LRRC7: variants seen among roughly 807,000 people sequenced by gnomAD.
The protein encoded by LRRC7 is leucine rich repeat containing 7.
Under a neutral mutation model 175.7 loss-of-function variants are expected in LRRC7, and 23 were observed. That is an observed-to-expected ratio of 0.13 (90% CI 0.09 to 0.19). LRRC7 has a LOEUF of 0.19. Among genes scored for constraint, LRRC7 ranks in the 10% least tolerant of loss-of-function variants. LRRC7 has a pLI of 1.00. For synonymous variants in LRRC7, 685 were observed against 680.9 expected (o/e 1.01, Z -0.09); for missense variants, 1,354 against 1,904.7 (o/e 0.71, Z 5.38).
chr1:69,906,924 CTT>C (rs1180623498), intron 7 of LRRC7, among the ~76,000 whole-genome samples: 5 of 152,118 alleles, frequency 3.3e-5, no homozygotes, highest in Non-Finnish European at 7.4e-5. Context: ...TTTGTATCCT[CTT>C]TTATTTCATT....
chr1:70,092,978 T>C (rs1184591848), intron 25 of LRRC7, among the ~76,000 whole-genome samples: 1 of 152,192 alleles, frequency 6.6e-6, no homozygotes, highest in Non-Finnish European at 1.5e-5. Context: ...CTGCAGTTGA[T>C]ATTGTCAAAA....
At position 69,568,448 on chromosome 1, in the gene LRRC7, TG is replaced by T; in HGVS notation, c.-190del. The T allele has an allele frequency of 3.1e-6, 1 of 324,548 alleles. No homozygotes were observed. The highest frequency in any genetic ancestry group is 5.9e-6 in the Non-Finnish European group (1 of 169,914). 20.1% of individuals were successfully genotyped at this position (324,548 alleles called of 1,614,324 possible). On this transcript the variant is annotated 5_prime_UTR_variant, in exon 1 of 27. It removes the in-frame stop codon of an upstream open reading frame in the 5' UTR. Transcript: ENST00000651989. ...GTCCACCTGAAGGGCACTGGCATCA[TG>T]GTCTAACGTGGCACCTTCCTGGATT...
At chr1:69,718,481 C>A (rs1665990836) in intron 2 of LRRC7, among the ~76,000 whole-genome samples, 2 of 151,822 alleles carry the variant, frequency 1.3e-5, no homozygotes, top group East Asian at 3.9e-4. Context: ...ATGTCTCCTG[C>A]ATGGCAAAAT....
intron 7 of LRRC7, among the ~76,000 whole-genome samples, chr1:69,866,960 G>T (rs566469094): frequency 5.3e-5 from 8 of 152,006 alleles, no homozygotes; most frequent in Admixed American, 5.2e-4. Context: ...CTCACAGTAG[G>T]AGTAAAATGT....
chr1:69,833,213 T>G (rs991409324), intron 5 of LRRC7, among the ~76,000 whole-genome samples: 7 of 152,178 alleles, frequency 4.6e-5, no homozygotes, highest in African/African-American at 1.4e-4. Flanking sequence ...CACGTCAAAA[T>G]GGATGGATTT....
At chr1:70,026,724 T>C (rs1297575274) in intron 17 of LRRC7, among the ~76,000 whole-genome samples, 1 of 152,120 alleles carries the variant, frequency 6.6e-6, no homozygotes, top group African/African-American at 2.4e-5. Flanking sequence ...GCACTTACAT[T>C]AACAAAATTA....
chr1:69,876,682 C>G (rs937556332), intron 7 of LRRC7, among the ~76,000 whole-genome samples: 3 of 152,124 alleles, frequency 2.0e-5, no homozygotes, highest in Non-Finnish European at 4.4e-5. Flanking sequence ...AATCCAAGCT[C>G]TTCATCGCCT....
At chr1:69,674,457 A>C (rs112011293) in intron 1 of LRRC7, among the ~76,000 whole-genome samples, 1,933 of 152,272 alleles carry the variant, frequency 0.013, 27 homozygotes, top group African/African-American at 0.034. Flanking sequence ...AAAGTAAATG[A>C]AGTAATTTAC....
chr1:69,671,586 G>A (rs1329017887), intron 1 of LRRC7, among the ~76,000 whole-genome samples: 1 of 152,120 alleles, frequency 6.6e-6, no homozygotes, highest in African/African-American at 2.4e-5. Flanking sequence ...TAGAGTTGCA[G>A]TTCCAGTGTC....
chr1:69,996,343 T>A (rs1300675820), intron 11 of LRRC7, among the ~76,000 whole-genome samples: 1 of 152,130 alleles, frequency 6.6e-6, no homozygotes, highest in Non-Finnish European at 1.5e-5. Flanking sequence ...TTTTCTCCCA[T>A]TTTGTAGGTT....
intron 7 of LRRC7, among the ~76,000 whole-genome samples, chr1:69,854,903 G>C (rs192551795): frequency 3.9e-5 from 6 of 152,000 alleles, no homozygotes; most frequent in South Asian, 4.2e-4. Flanking sequence ...ATGGCGAAGT[G>C]GGGGGGACCT....
rs571048691 is a variant in LRRC7 at position 69,662,273 on chromosome 1, A to AGT, written c.3-16108_3-16107insGT. Among the ~76,000 whole-genome samples the AGT allele has an allele frequency of 2.3e-3, 352 of 152,330 alleles. 1 individual carries two copies. Among genetic ancestry groups the AGT allele is most frequent in the Non-Finnish European group, 3.0e-3 (206 of 68,020 alleles). ...TAAAACCATTCATTCAATCATTTAAAAATAAATATTTAATGTTTGCTGTGG... is the reference window on the plus strand; with the variant it reads ...TAAAACCATTCATTCAATCATTTAAAGTAATAAATATTTAATGTTTGCTGTGG... On this transcript the variant is annotated intron_variant, in intron 1 of 26. Transcript: ENST00000651989.
At chr1:69,883,782 G>A (rs1180980100) in intron 7 of LRRC7, among the ~76,000 whole-genome samples, 1 of 88,718 alleles carries the variant, frequency 1.1e-5, no homozygotes, top group African/African-American at 4.2e-5. Context: ...ATCTTGAATT[G>A]ATTTTTGTAT....
chr1:69,738,848 G>A (rs140304779), intron 2 of LRRC7, among the ~76,000 whole-genome samples: 213 of 152,058 alleles, frequency 1.4e-3, no homozygotes, highest in African/African-American at 4.5e-3. Flanking sequence ...GGACCCTGGA[G>A]ACAGAAAAAA....
chr1:69,900,344 C>T (rs1315971743), intron 7 of LRRC7, among the ~76,000 whole-genome samples: 1 of 152,158 alleles, frequency 6.6e-6, no homozygotes, highest in African/African-American at 2.4e-5. Flanking sequence ...AACCCAGAAT[C>T]TACATCTGTT....
intron 18 of LRRC7, among the ~76,000 whole-genome samples, chr1:70,033,894 T>C (rs999567207): frequency 1.3e-5 from 2 of 152,188 alleles, no homozygotes; most frequent in African/African-American, 4.8e-5. Context: ...CCCATTCTTG[T>C]AATTAGGTAT....
intron 1 of LRRC7, among the ~76,000 whole-genome samples, chr1:69,585,614 A>C (rs567864198): frequency 6.6e-6 from 1 of 152,200 alleles, no homozygotes; most frequent in Admixed American, 6.5e-5. Context: ...CATCATATGT[A>C]TAAGTATCTA....
intron 2 of LRRC7, among the ~76,000 whole-genome samples, chr1:69,686,906 G>C (rs917330359): frequency 1.3e-5 from 2 of 151,888 alleles, no homozygotes; most frequent in African/African-American, 4.8e-5. Flanking sequence ...TAAAGGGATA[G>C]AAAAAGAAAT....
intron 2 of LRRC7, among the ~76,000 whole-genome samples, chr1:69,733,597 T>C (rs1667807831): frequency 1.3e-5 from 2 of 152,068 alleles, no homozygotes; most frequent in Non-Finnish European, 2.9e-5. Flanking sequence ...TTGTTGTAAA[T>C]TGGGGCCTCT....
Sources: gnomAD v4.1 joint callset for allele counts (sites outside exome capture counted in the v4.1 genomes callset) on GRCh38, gnomAD v4.1.1 for gene constraint, MANE v1.5 for transcripts, NCBI Gene and HGNC (gene_info 2026-07-23, HGNC 2026-07-21) for gene names.